Variants in CRPPA observed in about 807,000 individuals in gnomAD.
CRPPA encodes the protein CDP-L-ribitol pyrophosphorylase A.
A neutral mutation model predicts 52.0 loss-of-function variants in CRPPA; 43 were observed. The ratio of observed to expected loss-of-function variants is 0.83; its 90% CI spans 0.65 to 1.07. The LOEUF (loss-of-function observed/expected upper bound fraction) is 1.07, where lower values mean the gene tolerates loss of function less well. Among genes scored for constraint, CRPPA ranks in the 50% least tolerant of loss-of-function variants. The pLI is 0.00. For synonymous variants in CRPPA, 250 were observed against 203.5 expected, an observed-to-expected ratio of 1.23 and a Z score of -1.94; for missense variants, 629 against 551.7, an observed-to-expected ratio of 1.14 and a Z score of -1.40.
intron 6 of CRPPA, among the ~76,000 whole-genome samples, chr7:16,261,614 G>GC (rs138947617): frequency 2.0e-5 from 3 of 151,286 alleles, no homozygotes; most frequent in African/African-American, 4.9e-5. Context: ...TTTAAGAAAA[G>GC]CCGTAACATT....
chr7:16,135,088 G>C (rs528428095), intron 9 of CRPPA, among the ~76,000 whole-genome samples: 17 of 152,248 alleles, frequency 1.1e-4, no homozygotes, highest in Admixed American at 2.0e-4. Context: ...AGTATTCCTG[G>C]AGGAAGCAAT....
At chr7:16,264,649 G>T (rs1783905301) in intron 6 of CRPPA, among the ~76,000 whole-genome samples, 1 of 152,092 alleles carries the variant, frequency 6.6e-6, no homozygotes, top group African/African-American at 2.4e-5. Context: ...ACGTTGGCTG[G>T]GTCATCTCTG....
intron 1 of CRPPA, among the ~76,000 whole-genome samples, chr7:16,417,493 C>T (rs759254507): frequency 1.3e-5 from 2 of 152,184 alleles, no homozygotes; most frequent in African/African-American, 2.4e-5. Flanking sequence ...TTTGCAGCAA[C>T]ATGATTGCAG....
intron 6 of CRPPA, among the ~76,000 whole-genome samples, chr7:16,266,761 G>A (rs973543156): frequency 1.3e-5 from 2 of 152,226 alleles, no homozygotes; most frequent in Admixed American, 6.5e-5. Flanking sequence ...TTACAGGCAC[G>A]AGCCACCGTG....
intron 5 of CRPPA, among the ~76,000 whole-genome samples, chr7:16,290,703 CA>C (rs1383805425): frequency 5.9e-5 from 9 of 151,872 alleles, no homozygotes; most frequent in African/African-American, 2.2e-4. Context: ...TGGAAGAAAG[CA>C]GAGGAAATGC....
chr7:16,406,171 T>C lies in CRPPA; in HGVS notation c.424A>G (p.Ile142Val), dbSNP rs1391195447. ...TCTGGCTTAGAGAGTTTAGAGTTGA[T>C]CTGATCTTCTGCCAGTGCTTTTAGT... ...NGLKALAEDQ[I>V]NSKLSKPEVV... The change falls in exon 2 of 10, where the codon ATC becomes GTC. Residue 142 changes from isoleucine to valine, a missense_variant. By Grantham distance (29) the Ile-to-Val change is conservative. Transcript: ENST00000407010. 1 of 1,613,980 alleles carries C rather than the reference T, an allele frequency of 6.2e-7. No individual in the cohort carries two copies. Among genetic ancestry groups the C allele is most frequent in the Admixed American group, 1.7e-5 (1 of 60,016 alleles).
At chr7:16,288,767 A>C (rs1369805120) in intron 5 of CRPPA, among the ~76,000 whole-genome samples, 1 of 143,798 alleles carries the variant, frequency 7.0e-6, no homozygotes, top group Non-Finnish European at 1.5e-5. Context: ...AATTGCTTCA[A>C]CCGGGGAAGA....
chr7:16,135,544 A>G (rs1385221909), intron 9 of CRPPA, among the ~76,000 whole-genome samples: 2 of 152,158 alleles, frequency 1.3e-5, no homozygotes, highest in African/African-American at 4.8e-5. Context: ...GCAAACAGAA[A>G]CATTACATTC....
intron 8 of CRPPA, among the ~76,000 whole-genome samples, chr7:16,234,109 T>A (rs1375199745): frequency 6.6e-6 from 1 of 152,178 alleles, no homozygotes; most frequent in Non-Finnish European, 1.5e-5. Context: ...CATTTCTAAA[T>A]GTTGCACATA....
chr7:16,303,980 T>C (rs1323792939), intron 4 of CRPPA, among the ~76,000 whole-genome samples: 1 of 152,202 alleles, frequency 6.6e-6, no homozygotes, highest in Non-Finnish European at 1.5e-5. Flanking sequence ...CAGTAACTGG[T>C]TATCAATCTT....
In CRPPA at chr7:16,421,305, C is replaced by A; in HGVS notation, c.18G>T (p.Pro6=). 1 of 1,261,340 alleles carries A rather than the reference C, an allele frequency of 7.9e-7. No homozygotes were observed. The highest frequency in any genetic ancestry group is 3.2e-5 in the East Asian group (1 of 31,406). The allele number at this position is 1,261,340 out of a possible 1,614,324, so 78.1% of individuals were successfully genotyped here. Residue 6 remains proline, a synonymous_variant, in exon 1 of 10, where the codon CCG becomes CCT. Transcript: ENST00000407010. ...CCGGCTCCGCCGGCCTGGCGCTGCC[C>A]GGCGGCCCGGCCTCCATGGCTGCGG... MEAGP[P]GSARPAEPGP...
intron 9 of CRPPA, among the ~76,000 whole-genome samples, chr7:16,110,642 G>C (rs1395823552): frequency 2.6e-5 from 4 of 151,964 alleles, no homozygotes; most frequent in Non-Finnish European, 5.9e-5. Flanking sequence ...AGGAATACAT[G>C]CATATACAGT....
intron 9 of CRPPA, chr7:16,209,196 A>G: frequency 3.1e-6 from 1 of 322,342 alleles, no homozygotes; most frequent in Non-Finnish European, 6.0e-6. Flanking sequence ...AGAGAATGCT[A>G]GCTATCAAAA....
intron 9 of CRPPA, among the ~76,000 whole-genome samples, chr7:16,194,161 C>T (rs538718458): frequency 6.6e-6 from 1 of 152,214 alleles, no homozygotes; most frequent in Admixed American, 6.5e-5. Context: ...CTCTGCTAGT[C>T]CCGGAGGAAA....
intron 9 of CRPPA, among the ~76,000 whole-genome samples, chr7:16,179,329 T>C (rs529111066): frequency 2.0e-4 from 30 of 152,236 alleles, no homozygotes; most frequent in African/African-American, 7.2e-4. Context: ...AAGATGTCCA[T>C]TCTTAAATTC....
intron 6 of CRPPA, chr7:16,269,855 A>C (rs1178566427): frequency 6.6e-6 from 1 of 152,196 alleles, no homozygotes; most frequent in African/African-American, 2.4e-5. Context: ...GGGATAACAT[A>C]AGCACAAAAT....
intron 4 of CRPPA, among the ~76,000 whole-genome samples, chr7:16,307,197 T>C (rs1784930417): frequency 6.6e-6 from 1 of 152,212 alleles, no homozygotes; most frequent in South Asian, 2.1e-4. Context: ...CAGCAATATG[T>C]ATTTCAAGAT....
intron 8 of CRPPA, among the ~76,000 whole-genome samples, chr7:16,248,719 T>C (rs1295163): frequency 0.15 from 22,383 of 152,058 alleles, 1,800 homozygotes; most frequent in African/African-American, 0.22. Context: ...GGTTGGACAG[T>C]GGGTGCAGCC....
intron 8 of CRPPA, among the ~76,000 whole-genome samples, chr7:16,254,738 A>G (rs532841612): frequency 3.1e-5 from 2 of 65,170 alleles, no homozygotes; most frequent in Admixed American, 4.5e-4. Context: ...AAAGTATAAG[A>G]AAGAAAGACA....
Sources: gnomAD v4.1 joint callset for allele counts (sites outside exome capture counted in the v4.1 genomes callset) on GRCh38, gnomAD v4.1.1 for gene constraint, MANE v1.5 for transcripts, NCBI Gene and HGNC (gene_info 2026-07-23, HGNC 2026-07-21) for gene names.